The following COL25A1 variants were observed in gnomAD, a reference collection of about 807,000 sequenced individuals.
COL25A1 encodes the protein collagen alpha-1(XXV) chain.
COL25A1 carries 103 observed loss-of-function variants against 128.4 expected under a neutral mutation model. The observed-to-expected ratio is 0.80, with a 90% CI of 0.68 to 0.94. The LOEUF (loss-of-function observed/expected upper bound fraction) is 0.94. COL25A1 is among the 40% of genes least tolerant of loss of function. The probability of loss-of-function intolerance (pLI) is 0.00; values close to 1 mark genes in which losing one functional copy is unlikely to be tolerated. For missense variants in COL25A1, 745 were observed against 840.0 expected (o/e 0.89, Z 1.40); for synonymous variants, 279 against 277.2 (o/e 1.01, Z -0.06).
chr4:109,161,114 A>G (rs1560791411), intron 3 of COL25A1, among the ~76,000 whole-genome samples: 2 of 152,130 alleles, frequency 1.3e-5, no homozygotes, highest in Non-Finnish European at 1.5e-5. Flanking sequence ...CTGGGATTAC[A>G]CACATGGCCT....
intron 10 of COL25A1, 60 bp downstream of exon 10, chr4:108,940,479 T>C (rs1449772835): frequency 7.1e-6 from 10 of 1,418,166 alleles, no homozygotes; most frequent in Non-Finnish European, 1.0e-5. Context: ...TCCACCCTAG[T>C]TCTCAGCCCT....
At chr4:109,176,226 C>T (rs1040999191) in intron 3 of COL25A1, among the ~76,000 whole-genome samples, 1 of 152,120 alleles carries the variant, frequency 6.6e-6, no homozygotes, top group Admixed American at 6.5e-5. Flanking sequence ...CCTGTCTCTA[C>T]TAAAATACAA....
chr4:109,157,493 A>G (rs1772150407), intron 3 of COL25A1, among the ~76,000 whole-genome samples: 1 of 152,148 alleles, frequency 6.6e-6, no homozygotes. Context: ...CACCTGTACT[A>G]TTTCATAATT....
chr4:108,935,079 G>C (rs1747241281), intron 11 of COL25A1, among the ~76,000 whole-genome samples: 1 of 152,128 alleles, frequency 6.6e-6, no homozygotes, highest in Non-Finnish European at 1.5e-5. Context: ...TTCATTTACT[G>C]CTATCAGAAT....
chr4:109,050,110 C>G, intron 4 of COL25A1, 25 bp downstream of exon 4: 1 of 1,601,220 alleles, frequency 6.2e-7, no homozygotes, highest in South Asian at 1.1e-5. Flanking sequence ...ATGAGTGACA[C>G]AGAGCAGCTG....
At chr4:109,003,247 T>C (rs769830752) in intron 6 of COL25A1, among the ~76,000 whole-genome samples, 2 of 152,158 alleles carry the variant, frequency 1.3e-5, no homozygotes, top group Admixed American at 6.5e-5. Context: ...AGAATCTACA[T>C]AGAACTTAAA....
chr4:108,854,166 T>C (rs1736179377), intron 24 of COL25A1: 1 of 152,210 alleles, frequency 6.6e-6, no homozygotes, highest in Non-Finnish European at 1.5e-5. Flanking sequence ...GCTAGCCATA[T>C]GCAGAAAACT....
intron 14 of COL25A1, among the ~76,000 whole-genome samples, chr4:108,900,515 T>C (rs985307127): frequency 2.0e-5 from 3 of 152,232 alleles, no homozygotes; most frequent in Non-Finnish European, 4.4e-5. Context: ...CTGCTTGATT[T>C]AAACTAAATT....
At chr4:109,201,694 C>T (rs1377951966) in intron 3 of COL25A1, among the ~76,000 whole-genome samples, 1 of 152,142 alleles carries the variant, frequency 6.6e-6, no homozygotes. Flanking sequence ...GGAAAACTTA[C>T]AACTGTCTTT....
chr4:108,968,169 G>T (rs1484545748), intron 8 of COL25A1, among the ~76,000 whole-genome samples: 1 of 152,148 alleles, frequency 6.6e-6, no homozygotes, highest in East Asian at 1.9e-4. Context: ...AAAACCAAAT[G>T]ATATTTGTGG....
At chr4:109,017,786 A>G (rs1159394497) in intron 5 of COL25A1, among the ~76,000 whole-genome samples, 1 of 152,202 alleles carries the variant, frequency 6.6e-6, no homozygotes, top group Non-Finnish European at 1.5e-5. Flanking sequence ...GGAAATATTA[A>G]CATTGTTCAT....
chr4:108,873,393 G>A (rs1286740227), intron 19 of COL25A1, among the ~76,000 whole-genome samples: 1 of 152,096 alleles, frequency 6.6e-6, no homozygotes, highest in East Asian at 1.9e-4. Context: ...TTAAGGTGTG[G>A]CTTAGTTAAG....
chr4:109,238,872 C>T (rs1334818758), intron 3 of COL25A1, among the ~76,000 whole-genome samples: 1 of 152,040 alleles, frequency 6.6e-6, no homozygotes, highest in Non-Finnish European at 1.5e-5. Context: ...TGGTACAGAG[C>T]AGGCAGTGGA....
At position 108,846,014 on chromosome 4, in the gene COL25A1, T is replaced by G. The variant is rs1287021086; in HGVS notation, c.1515+125A>C. On this transcript the variant is annotated intron_variant, in intron 28 of 37. Transcript: ENST00000399132. ...CAATAATACCTCAAATATTTCAAAA[T>G]AAAAATATGAGATGAACCACTAGAT... 4 of 621,824 alleles carry G rather than the reference T, an allele frequency of 6.4e-6. No homozygotes were observed. The African/African-American group carries it at 7.4e-5, about 12-fold the overall frequency. The allele number at this position is 621,824 out of a possible 1,614,324, so 38.5% of individuals were successfully genotyped here.
At chr4:109,103,095 C>G (rs948887557) in intron 3 of COL25A1, among the ~76,000 whole-genome samples, 4 of 152,118 alleles carry the variant, frequency 2.6e-5, no homozygotes, top group African/African-American at 9.7e-5. Context: ...AGAGCCAAAG[C>G]AACACACTGA....
chr4:109,072,452 T>C (rs1331127910), intron 3 of COL25A1, among the ~76,000 whole-genome samples: 3 of 152,194 alleles, frequency 2.0e-5, no homozygotes, highest in Admixed American at 2.0e-4. Context: ...ATTTTGAAAT[T>C]TGGTCTTGTG....
intron 3 of COL25A1, among the ~76,000 whole-genome samples, chr4:109,287,704 TC>T (rs902008241): frequency 5.3e-5 from 8 of 152,152 alleles, no homozygotes; most frequent in African/African-American, 1.9e-4. Flanking sequence ...GGCAAGGCCA[TC>T]ATCTAGCTTC....
chr4:109,092,754 T>G (rs1026602303), intron 3 of COL25A1, among the ~76,000 whole-genome samples: 1 of 152,198 alleles, frequency 6.6e-6, no homozygotes, highest in Non-Finnish European at 1.5e-5. Context: ...GCTCCCTATA[T>G]GCATACTTAC....
chr4:109,065,544 G>A (rs957231095), intron 3 of COL25A1, among the ~76,000 whole-genome samples: 3 of 130,900 alleles, frequency 2.3e-5, no homozygotes, highest in African/African-American at 8.6e-5. Flanking sequence ...GCGCGCGCGC[G>A]CGTGTGTGTG....
Sources: allele counts gnomAD v4.1 joint callset (sites outside exome capture counted in the v4.1 genomes callset), GRCh38; gene constraint gnomAD v4.1.1; transcripts MANE v1.5; gene names NCBI Gene and HGNC (gene_info 2026-07-23, HGNC 2026-07-21).